The following GNA11 variants were observed in gnomAD, a reference collection of about 807,000 sequenced individuals.
GNA11 encodes the protein G protein subunit alpha 11, also known as guanine nucleotide-binding protein subunit alpha-11.
Under a neutral mutation model 38.2 loss-of-function variants are expected in GNA11, and 8 were observed. That is an observed-to-expected ratio of 0.21 (90% CI 0.12 to 0.38). The LOEUF (loss-of-function observed/expected upper bound fraction) is 0.38. GNA11 is among the 10% of genes least tolerant of loss of function. The pLI is 1.00. For missense variants in GNA11, 268 were observed against 516.3 expected, an observed-to-expected ratio of 0.52 and a Z score of 4.66; for synonymous variants, 211 against 221.4, an observed-to-expected ratio of 0.95 and a Z score of 0.42.
chr19:3,111,855 C>T (rs186351385), intron 2 of GNA11, among the ~76,000 whole-genome samples: 7 of 152,218 alleles, frequency 4.6e-5, no homozygotes, highest in African/African-American at 9.6e-5. Flanking sequence ...ATCCCGCTTT[C>T]GTAGCCCTGC....
intron 3 of GNA11, 64 bp downstream of exon 3, chr19:3,113,548 T>G: frequency 7.7e-7 from 1 of 1,301,944 alleles, no homozygotes; most frequent in Non-Finnish European, 1.0e-6. Flanking sequence ...CTGGGACCCT[T>G]CGGGAAGGCC....
rs1914001364 is a variant in GNA11, at chr19:3,119,120, C to T, written c.735+67C>T. On this transcript the variant is annotated intron_variant, in intron 5 of 6. Coordinates refer to ENST00000078429, the MANE Select transcript of GNA11 (RefSeq NM_002067.5). The surrounding 1 kb of genome is among the most constrained non-coding windows in gnomAD (Gnocchi z 4.6). ...CTTCCCCACCTGCCAAGCCTGGGTC[C>T]CCTCACCTGGGTCCCCCCAGCTGCC... The T allele has an allele frequency of 1.2e-6, 2 of 1,604,526 alleles. No individual in the cohort carries two copies. The highest frequency in any genetic ancestry group is 1.7e-6 in the Non-Finnish European group (2 of 1,172,668).
intron 4 of GNA11, among the ~76,000 whole-genome samples, chr19:3,116,961 G>A (rs955784709): frequency 4.6e-5 from 7 of 152,112 alleles, no homozygotes; most frequent in South Asian, 4.1e-4. Context: ...CTCCCAGCTC[G>A]GCCTCCCAGC....
chr19:3,095,742 C>G (rs1913347413), intron 1 of GNA11, among the ~76,000 whole-genome samples: 2 of 151,988 alleles, frequency 1.3e-5, no homozygotes, highest in South Asian at 4.2e-4. Flanking sequence ...AAGCAGCTAT[C>G]TCGGCAGCCT....
chr19:3,113,385 A>C lies in GNA11; in HGVS notation c.377A>C (p.His126Pro). 1 of 1,613,470 alleles carries C rather than the reference A, an allele frequency of 6.2e-7. No homozygotes were observed. The highest frequency in any genetic ancestry group is 1.1e-5 in the South Asian group (1 of 91,082). The change falls in exon 3 of 7, where the codon CAT becomes CCT. Residue 126 changes from histidine (H) to proline (P), a missense_variant. By Grantham distance (77) the His-to-Pro change is moderately conservative. This residue lies in a region of GNA11 where 151 missense variants were observed against 254.0 expected (regional missense o/e 0.59). Transcript: ENST00000078429. ...GTGGAGAAGGTGACCACCTTCGAGC[A>C]TCAGTACGTCAGTGCCATCAAGACC... ...VDVEKVTTFE[H>P]QYVSAIKTLW...
In GNA11 at chr19:3,120,925, G is replaced by A. The variant is rs1914055563; in HGVS notation, c.890-64G>A. ...CGCTCATCCCCTGGGAGTGACAAAG[G>A]GGCCCACGAGTCCCTTGCCCTGGGC... On this transcript the variant is annotated intron_variant, in intron 6 of 6. Transcript: ENST00000078429. The surrounding 1 kb of genome is among the most constrained non-coding windows in gnomAD (Gnocchi z 5.9). The A allele has an allele frequency of 1.6e-6, 2 of 1,239,714 alleles. No homozygotes were observed. Among genetic ancestry groups the A allele is most frequent in the Admixed American group, 3.7e-5 (2 of 53,610 alleles). 76.8% of individuals were successfully genotyped at this position (1,239,714 alleles called of 1,614,324 possible).
At chr19:3,100,471 A>G (rs1314764893) in intron 1 of GNA11, among the ~76,000 whole-genome samples, 1 of 152,154 alleles carries the variant, frequency 6.6e-6, no homozygotes, top group African/African-American at 2.4e-5. Flanking sequence ...ATGCTTGGCG[A>G]GTGACCGTCA....
At chr19:3,103,519 C>CGTTTTTTTTTTT (rs1370578226) in intron 1 of GNA11, among the ~76,000 whole-genome samples, 3 of 45,800 alleles carry the variant, frequency 6.6e-5, no homozygotes, top group Admixed American at 3.5e-4. Flanking sequence ...GGCCTTGAAT[C>CGTTTTTTTTTTT]TTTTTTTTTT....
chr19:3,097,514 G>A (rs1381136068), intron 1 of GNA11, among the ~76,000 whole-genome samples: 2 of 152,172 alleles, frequency 1.3e-5, no homozygotes, highest in Admixed American at 6.5e-5. Flanking sequence ...AGGGCTCCAG[G>A]GCCCTGCCCT....
chr19:3,102,078 C>A (rs752417623), intron 1 of GNA11, among the ~76,000 whole-genome samples: 1 of 151,654 alleles, frequency 6.6e-6, no homozygotes, highest in Non-Finnish European at 1.5e-5. Context: ...CCTGGGCGAC[C>A]GAGGGAGAGG....
At chr19:3,114,863 T>C in intron 3 of GNA11, 81 bp from the exon 4 acceptor site, 2 of 1,400,030 alleles carry the variant, frequency 1.4e-6, no homozygotes, top group Non-Finnish European at 2.0e-6. Context: ...CTTTCCGTCC[T>C]CCCGCTGGTT....
At chr19:3,097,960 G>A (rs1478438532) in intron 1 of GNA11, among the ~76,000 whole-genome samples, 1 of 152,010 alleles carries the variant, frequency 6.6e-6, no homozygotes, top group Non-Finnish European at 1.5e-5. Flanking sequence ...CCCTTGGGGG[G>A]CACGTTGCCC....
rs980993960 is a variant in GNA11, at chr19:3,108,236, T to C, written c.137-1913T>C. 6.6e-6 allele frequency among the ~76,000 whole-genome samples: 1 copy of C among 152,016 alleles called. No homozygotes were observed. Among genetic ancestry groups the C allele is most frequent in the African/African-American group, 2.4e-5 (1 of 41,384 alleles). On this transcript the variant is annotated intron_variant, in intron 1 of 6. Transcript: ENST00000078429. This position sits in a 1 kb window ranked among gnomAD's most constrained non-coding sequence, Gnocchi z 4.5. Reference sequence around the variant, plus strand: ...CGTGGGACACATGCAGCCTGTCTCATCTCTAGGAGCTGCCAGGTGAGGGGT... The same window carrying C: ...CGTGGGACACATGCAGCCTGTCTCACCTCTAGGAGCTGCCAGGTGAGGGGT...
intron 1 of GNA11, among the ~76,000 whole-genome samples, chr19:3,098,409 G>A (rs1234019658): frequency 2.0e-5 from 3 of 152,350 alleles, no homozygotes; most frequent in East Asian, 3.9e-4. Context: ...TGCCTATCAC[G>A]GGCAGCCCTC....
At chr19:3,109,317 G>T (rs1216938645) in intron 1 of GNA11, among the ~76,000 whole-genome samples, 1 of 152,258 alleles carries the variant, frequency 6.6e-6, no homozygotes, top group Non-Finnish European at 1.5e-5. Flanking sequence ...CTCATCTGGA[G>T]GCTGGGGTGG....
At position 3,108,719 on chromosome 19, in the gene GNA11, A is replaced by G. The variant is rs1251859347; in HGVS notation, c.137-1430A>G. ...TAAATTAACAAAACTTATTTCAGAT[A>G]GTTTCTGAGGGTTGGGAATGTGGGA... On this transcript the variant is annotated intron_variant, in intron 1 of 6. Transcript: ENST00000078429. This position sits in a 1 kb window ranked among gnomAD's most constrained non-coding sequence, Gnocchi z 4.5. 2.0e-5 allele frequency among the ~76,000 whole-genome samples: 3 copies of G among 152,178 alleles called. No homozygotes were observed. The highest frequency in any genetic ancestry group is 2.9e-5 in the Non-Finnish European group (2 of 68,030).
chr19:3,097,162 G>C (rs1913391987), intron 1 of GNA11, among the ~76,000 whole-genome samples: 1 of 152,232 alleles, frequency 6.6e-6, no homozygotes, highest in South Asian at 2.1e-4. Flanking sequence ...GGAGCAGCTA[G>C]AGGGTGGGGC....
rs1290013994 is a variant in GNA11 at position 3,121,591 on chromosome 19, G to A, written c.*412G>A. 1.7e-5 allele frequency: 4 copies of A among 233,876 alleles called. No homozygotes were observed. The highest frequency in any genetic ancestry group is 3.4e-5 in the Non-Finnish European group (4 of 118,920). The allele number at this position is 233,876 out of a possible 1,614,324, so 14.5% of individuals were successfully genotyped here. A position where few individuals can be genotyped will look rare whatever the true frequency, so the allele number is the denominator to read the frequency against. On this transcript the variant is annotated 3_prime_UTR_variant, in exon 7 of 7. Coordinates refer to ENST00000078429, the MANE Select transcript of GNA11 (RefSeq NM_002067.5). ...GGCCCCGCCCTGCAGCCAGTCACGC[G>A]CCCCCACACCGCAGCCCCCCGTGGC...
Position 3,119,367 on chromosome 19 carries a change from G to C in GNA11, c.889+8G>C, listed in dbSNP as rs73527836. The C allele has an allele frequency of 0.019, 31,220 of 1,612,486 alleles. 1,082 individuals are homozygous for C. The highest frequency in any genetic ancestry group is 0.14 in the African/African-American group (10,746 of 74,874). On this transcript the variant is annotated splice_region_variant and intron_variant, in intron 6 of 6. Transcript: ENST00000078429. The surrounding 1 kb of genome is among the most constrained non-coding windows in gnomAD (Gnocchi z 4.6). ...ACTTCCCCGAGTTCGATGGTGCGCCGGGCTGCGGCATGGGGAGGGGCTCGC... is the reference window on the plus strand; with the variant it reads ...ACTTCCCCGAGTTCGATGGTGCGCCCGGCTGCGGCATGGGGAGGGGCTCGC...
Sources: gnomAD v4.1 joint callset for allele counts (sites outside exome capture counted in the v4.1 genomes callset) on GRCh38, gnomAD v4.1.1 for gene constraint, gnomAD v4.1.1 regional missense constraint, Gnocchi (gnomAD v3.1) non-coding constraint, MANE v1.5 for transcripts, NCBI Gene and HGNC (gene_info 2026-07-23, HGNC 2026-07-21) for gene names.